RNF144A: variants seen among roughly 807,000 people sequenced by gnomAD.
The protein encoded by RNF144A is ring finger protein 144A, also known as E3 ubiquitin-protein ligase RNF144A.
A neutral mutation model predicts 38.7 loss-of-function variants in RNF144A; 11 were observed. The observed-to-expected ratio is 0.28, with a 90% CI of 0.18 to 0.47. The LOEUF is 0.47. RNF144A is among the 20% of genes least tolerant of loss of function. The probability of loss-of-function intolerance (pLI) is 0.99; values close to 1 mark genes in which losing one functional copy is unlikely to be tolerated. For synonymous variants in RNF144A, 149 were observed against 143.9 expected, an observed-to-expected ratio of 1.04 and a Z score of -0.25; for missense variants, 316 against 377.2, an observed-to-expected ratio of 0.84 and a Z score of 1.34.
chr2:7,009,590 G>T (rs1375366043), intron 3 of RNF144A, among the ~76,000 whole-genome samples: 1 of 151,968 alleles, frequency 6.6e-6, no homozygotes, highest in Admixed American at 6.5e-5. Flanking sequence ...CAGCTTGTGA[G>T]TGAAGTCACA....
intron 2 of RNF144A, among the ~76,000 whole-genome samples, chr2:6,963,506 G>A (rs893550261): frequency 1.3e-5 from 2 of 152,044 alleles, no homozygotes; most frequent in Admixed American, 1.3e-4. Context: ...CTTCTTCTCA[G>A]AATGAATCTG....
intron 2 of RNF144A, among the ~76,000 whole-genome samples, chr2:6,942,171 A>G (rs1666035594): frequency 6.6e-6 from 1 of 152,204 alleles, no homozygotes. Flanking sequence ...GACATTGGAG[A>G]GAGTGAAGGA....
chr2:6,935,635 A>G (rs1665523371), intron 1 of RNF144A, among the ~76,000 whole-genome samples: 2 of 149,910 alleles, frequency 1.3e-5, no homozygotes, highest in Admixed American at 6.6e-5. Flanking sequence ...CAGCATGTAA[A>G]TGGGATGGCC....
intron 2 of RNF144A, among the ~76,000 whole-genome samples, chr2:6,972,807 G>A (rs759681858): frequency 1.3e-5 from 2 of 152,182 alleles, no homozygotes; most frequent in Admixed American, 6.5e-5. Context: ...CTTGCATCTG[G>A]CAAAGCAGAA....
intron 1 of RNF144A, among the ~76,000 whole-genome samples, chr2:6,921,944 C>T (rs1364929028): frequency 6.6e-6 from 1 of 152,202 alleles, no homozygotes; most frequent in Admixed American, 6.5e-5. Context: ...TACCATTGGC[C>T]TTTTTAGGGT....
At chr2:7,028,465 A>G (rs997080984) in intron 7 of RNF144A, among the ~76,000 whole-genome samples, 10 of 152,146 alleles carry the variant, frequency 6.6e-5, no homozygotes, top group Non-Finnish European at 8.8e-5. Flanking sequence ...AAAGCTGTCC[A>G]GGTGGCTCGG....
rs145217754 is a variant in RNF144A, at chr2:6,918,995, A to T, written c.-212+1373A>T. On this transcript the variant is annotated intron_variant, in intron 1 of 8. Coordinates refer to ENST00000320892, the MANE Select transcript of RNF144A (RefSeq NM_014746.6). ...ATGGAAGGAGGACATGCCCCAGTGA[A>T]TGGGGCTGGGGTTGAGAGTTGAGCC... is the stretch of plus-strand genomic sequence containing the variant. Among the ~76,000 whole-genome samples, 521 of 152,254 alleles carry T rather than the reference A, an allele frequency of 3.4e-3. 6 individuals are homozygous for T. Among genetic ancestry groups the T allele is most frequent in the African/African-American group, 0.012 (507 of 41,566 alleles).
chr2:6,953,369 C>T (rs1666807125), intron 2 of RNF144A, among the ~76,000 whole-genome samples: 1 of 152,132 alleles, frequency 6.6e-6, no homozygotes, highest in Admixed American at 6.5e-5. Flanking sequence ...GTGGAGGTTG[C>T]AGTGAGCCAA....
chr2:6,983,994 C>T (rs1462410311), intron 2 of RNF144A, among the ~76,000 whole-genome samples: 3 of 152,182 alleles, frequency 2.0e-5, no homozygotes, highest in Non-Finnish European at 4.4e-5. Context: ...TGTCATTGGG[C>T]CATGTTGGAC....
chr2:7,071,371 T>A (rs1160653256), downstream of RNF144A, among the ~76,000 whole-genome samples: 2 of 152,176 alleles, frequency 1.3e-5, no homozygotes, highest in Non-Finnish European at 2.9e-5. Flanking sequence ...CCTTATGTGC[T>A]TGATGGTCAG....
At chr2:7,039,136 G>A (rs1672879729) in intron 8 of RNF144A, among the ~76,000 whole-genome samples, 1 of 151,368 alleles carries the variant, frequency 6.6e-6, no homozygotes, top group Admixed American at 6.6e-5. Context: ...GGATGGGTAG[G>A]TGGATGGATG....
intron 7 of RNF144A, among the ~76,000 whole-genome samples, chr2:7,025,467 A>G (rs1055433849): frequency 6.6e-6 from 1 of 152,188 alleles, no homozygotes. Flanking sequence ...TGCGGTCAGG[A>G]GTTCAAGACC....
chr2:6,990,634 C>T (rs1669304316), intron 2 of RNF144A, among the ~76,000 whole-genome samples: 1 of 151,324 alleles, frequency 6.6e-6, no homozygotes, highest in Non-Finnish European at 1.5e-5. Flanking sequence ...TGCTAAATCT[C>T]CAAATATAGT....
chr2:7,051,911 C>T (rs1558465756), intron 6 of RNF144A, among the ~76,000 whole-genome samples: 1 of 152,166 alleles, frequency 6.6e-6, no homozygotes, highest in Non-Finnish European at 1.5e-5. Flanking sequence ...GAGCTTAGTG[C>T]TGACTTCCAA....
chr2:6,934,611 C>T (rs768495791), intron 1 of RNF144A, among the ~76,000 whole-genome samples: 10 of 152,140 alleles, frequency 6.6e-5, no homozygotes, highest in Non-Finnish European at 1.2e-4. Context: ...TTACTTTTAG[C>T]ATTGTTAGGA....
At chr2:7,045,182 C>T (rs369026833), downstream of RNF144A, among the ~76,000 whole-genome samples, 2 of 152,320 alleles carry the variant, frequency 1.3e-5, no homozygotes, top group African/African-American at 2.4e-5. Context: ...ACTGGCGTGT[C>T]GGGGTTGGAG....
At chr2:6,960,734 A>G (rs2103328940) in intron 2 of RNF144A, among the ~76,000 whole-genome samples, 1 of 152,306 alleles carries the variant, frequency 6.6e-6, no homozygotes, top group South Asian at 2.1e-4. Context: ...TGGCAAATAC[A>G]TGGGTTCCCC....
intron 2 of RNF144A, among the ~76,000 whole-genome samples, chr2:6,979,173 T>C (rs1668481697): frequency 6.6e-6 from 1 of 152,168 alleles, no homozygotes; most frequent in African/African-American, 2.4e-5. Context: ...AGATGTCTCT[T>C]CTGAATGAGT....
Position 7,039,910 on chromosome 2 carries a change from G to T in RNF144A, c.*150G>T. Reference sequence around the variant, plus strand: ...TCAGGCTGGACGCCGTGATTTCAGGGACCTATGTCACAATGTTCGCTGAGG... The same window carrying T: ...TCAGGCTGGACGCCGTGATTTCAGGTACCTATGTCACAATGTTCGCTGAGG... On this transcript the variant is annotated 3_prime_UTR_variant, in exon 9 of 9. Transcript: ENST00000320892. The T allele has an allele frequency of 7.0e-7, 1 of 1,438,732 alleles. No homozygotes were observed. Among genetic ancestry groups the T allele is most frequent in the South Asian group, 1.5e-5 (1 of 67,680 alleles). 89.1% of individuals were successfully genotyped at this position (1,438,732 alleles called of 1,614,324 possible). A position where few individuals can be genotyped will look rare whatever the true frequency, so the allele number is the denominator to read the frequency against.
Sources: gnomAD v4.1 joint callset for allele counts (sites outside exome capture counted in the v4.1 genomes callset) on GRCh38, gnomAD v4.1.1 for gene constraint, MANE v1.5 for transcripts, NCBI Gene and HGNC (gene_info 2026-07-23, HGNC 2026-07-21) for gene names.